The following PER3 variants were observed in gnomAD, a reference collection of about 807,000 sequenced individuals.
PER3 encodes the protein period circadian regulator 3.
A neutral mutation model predicts 127.2 loss-of-function variants in PER3; 107 were observed. That is an observed-to-expected ratio of 0.84 (90% CI 0.72 to 0.99). PER3 has a LOEUF of 0.99. PER3 is among the 50% of genes least tolerant of loss of function. The pLI is 0.00. For synonymous variants in PER3, 618 were observed against 585.8 expected (o/e 1.05, Z -0.79); for missense variants, 1,560 against 1,525.8 (o/e 1.02, Z -0.37).
In PER3 at chr1:7,820,215, G is replaced by C. The variant is rs931729056; in HGVS notation, c.1759G>C (p.Ala587Pro). ...SSEEDKQNHKADDVQALQAGL... is the reference protein window; with the variant it reads ...SSEEDKQNHKPDDVQALQAGL... ...AGAAGAAGACAAACAGAACCACAAG[G>C]CAGATGATGTCCAAGCCTTACAAGG... The change falls in exon 15 of 22, where the codon GCA (alanine) becomes CCA (proline). Residue 587 changes from alanine to proline, a missense_variant. Physicochemically the swap from Ala to Pro is conservative, Grantham distance 27. Coordinates refer to ENST00000377532, the MANE Select transcript of PER3 (RefSeq NM_001377275.1). 6.2e-6 allele frequency: 10 copies of C among 1,613,742 alleles called. No individual in the cohort carries two copies. Among genetic ancestry groups the C allele is most frequent in the Non-Finnish European group, 7.6e-6 (9 of 1,179,896 alleles).
chr1:7,815,770 G>C (rs533086855), intron 13 of PER3, among the ~76,000 whole-genome samples: 26 of 151,618 alleles, frequency 1.7e-4, no homozygotes, highest in Admixed American at 6.6e-4. Flanking sequence ...CAGATCACAA[G>C]ATAAGGAGAT....
intron 5 of PER3, 97 bp downstream of exon 5, chr1:7,788,343 G>A: frequency 1.2e-6 from 1 of 844,538 alleles, no homozygotes. Context: ...TTTAGAACAT[G>A]CACACTATCT....
intron 19 of PER3, among the ~76,000 whole-genome samples, chr1:7,833,373 A>G (rs1364690364): frequency 1.3e-5 from 2 of 152,220 alleles, no homozygotes; most frequent in South Asian, 2.1e-4. Flanking sequence ...ATGTCCAGCT[A>G]TAAATGTGAA....
Position 7,785,493 on chromosome 1 carries a change from G to T in PER3, c.181G>T (p.Glu61Ter), listed in dbSNP as rs535298229. ...VSEELIMVVQEMKKYFPSERR... is the reference protein window; with the variant it reads ...VSEELIMVVQ Reference sequence around the variant, plus strand: ...TGAAGAACTTATCATGGTTGTCCAAGAAATGAAAAAATACTTCCCCTCGGA... The same window carrying T: ...TGAAGAACTTATCATGGTTGTCCAATAAATGAAAAAATACTTCCCCTCGGA... The change falls in exon 3 of 22, where the codon GAA becomes TAA. Residue 61 changes from glutamate (E) to a stop codon, truncating the protein, a stop_gained. Coordinates refer to ENST00000377532, the MANE Select transcript of PER3 (RefSeq NM_001377275.1). LOFTEE classifies it high-confidence loss of function. 6.2e-7 allele frequency: 1 copy of T among 1,612,254 alleles called. No homozygotes were observed. The highest frequency in any genetic ancestry group is 8.5e-7 in the Non-Finnish European group (1 of 1,178,334).
Position 7,819,369 on chromosome 1 carries a change from A to AT in PER3, c.1608dup (p.Glu537Ter). ...GAGCCCTGTGAGGATTTGAGGAACG[A>AT]TGAGCACAGCCCATCCTATCAACAG... On this transcript the variant is annotated frameshift_variant, in exon 14 of 22. Transcript: ENST00000377532. LOFTEE classifies it high-confidence loss of function. The AT allele has an allele frequency of 6.2e-7, 1 of 1,614,128 alleles. No homozygotes were observed. Among genetic ancestry groups the AT allele is most frequent in the Non-Finnish European group, 8.5e-7 (1 of 1,179,954 alleles).
chr1:7,797,601 A>G (rs1166775679), intron 6 of PER3, among the ~76,000 whole-genome samples: 1 of 150,686 alleles, frequency 6.6e-6, no homozygotes, highest in East Asian at 2.0e-4. Context: ...GTGCCATCGC[A>G]CTCCAGCCTG....
At chr1:7,797,377 G>A (rs2097150215) in intron 6 of PER3, among the ~76,000 whole-genome samples, 1 of 152,352 alleles carries the variant, frequency 6.6e-6, no homozygotes, top group South Asian at 2.1e-4. Context: ...GCTCACGCCT[G>A]TAATCCCAGT....
At chr1:7,810,974 CAG>C (rs1338031328) in intron 13 of PER3, among the ~76,000 whole-genome samples, 2 of 152,104 alleles carry the variant, frequency 1.3e-5, no homozygotes, top group Admixed American at 6.5e-5. Flanking sequence ...TCATTTCAAA[CAG>C]AAAATCTTTG....
chr1:7,792,519 A>G (rs920145122), intron 5 of PER3, among the ~76,000 whole-genome samples: 5 of 152,228 alleles, frequency 3.3e-5, no homozygotes, highest in Non-Finnish European at 7.3e-5. Context: ...AAGGCACGAT[A>G]TAATTCTAGT....
rs1558408874 is a variant in PER3, at chr1:7,802,632, AC to A, written c.873-414del. ...ATTAGCAACCTGCATTATTCATTTA[AC>A]ATCATCAGCATCTTTCTACGTTACG... On this transcript the variant is annotated intron_variant, in intron 8 of 21. Coordinates refer to ENST00000377532, the MANE Select transcript of PER3 (RefSeq NM_001377275.1). 3.9e-5 allele frequency among the ~76,000 whole-genome samples: 6 copies of A among 152,170 alleles called. No individual in the cohort carries two copies. The East Asian group carries it at 1.2e-3, about 29-fold the overall frequency.
At position 7,844,217 on chromosome 1, in the gene PER3, T is replaced by C. The variant is rs997396306; in HGVS notation, c.*1462T>C. On this transcript the variant is annotated 3_prime_UTR_variant, in exon 22 of 22. Coordinates refer to ENST00000377532, the MANE Select transcript of PER3 (RefSeq NM_001377275.1). ...TTCAAAGTAGTGGCTTTCTGGATGG[T>C]AATTCCATCTTAAGGTGTCAGAACT... The C allele has an allele frequency of 1.6e-5, 3 of 185,934 alleles. No individual in the cohort carries two copies. The highest frequency in any genetic ancestry group is 3.4e-5 in the Non-Finnish European group (3 of 88,990). 11.5% of individuals were successfully genotyped at this position (185,934 alleles called of 1,614,324 possible).
intron 16 of PER3, among the ~76,000 whole-genome samples, chr1:7,821,517 T>C (rs1402150820): frequency 6.6e-6 from 1 of 152,222 alleles, no homozygotes; most frequent in Non-Finnish European, 1.5e-5. Flanking sequence ...CATATGCACA[T>C]TTTTTAGTGT....
At chr1:7,802,026 A>T (rs1170549659) in intron 8 of PER3, among the ~76,000 whole-genome samples, 1 of 152,242 alleles carries the variant, frequency 6.6e-6, no homozygotes, top group Non-Finnish European at 1.5e-5. Context: ...TGTGTGAGAT[A>T]CTTAACCTGT....
intron 13 of PER3, 106 bp downstream of exon 13, chr1:7,810,694 G>A: frequency 1.9e-6 from 2 of 1,075,936 alleles, no homozygotes; most frequent in East Asian, 2.6e-5. Flanking sequence ...CTGTGTTGCT[G>A]CTTTTCATAT....
chr1:7,837,446 G>A (rs1349940061), intron 21 of PER3, among the ~76,000 whole-genome samples: 1 of 152,156 alleles, frequency 6.6e-6, no homozygotes, highest in Non-Finnish European at 1.5e-5. Context: ...AAAAACACCT[G>A]CTTTGATGTG....
At chr1:7,806,055 A>C (rs2097191084) in intron 10 of PER3, among the ~76,000 whole-genome samples, 1 of 152,218 alleles carries the variant, frequency 6.6e-6, no homozygotes, top group Non-Finnish European at 1.5e-5. Flanking sequence ...TTGAGAATGT[A>C]ATGGTAATCA....
chr1:7,795,836 G>C (rs2150575880), intron 6 of PER3, among the ~76,000 whole-genome samples: 1 of 152,336 alleles, frequency 6.6e-6, no homozygotes, highest in African/African-American at 2.4e-5. Context: ...TCATCACCCA[G>C]CTTTTTAAGA....
chr1:7,838,926 C>T (rs917645918), intron 21 of PER3, among the ~76,000 whole-genome samples: 1 of 152,106 alleles, frequency 6.6e-6, no homozygotes, highest in Non-Finnish European at 1.5e-5. Flanking sequence ...GAGAATTTAG[C>T]CCATTTACAT....
In PER3 at chr1:7,837,268, A is replaced by G. The variant is rs371635319; in HGVS notation, c.3549+119A>G. The G allele has an allele frequency of 4.0e-5, 29 of 717,848 alleles. No individual in the cohort carries two copies. The East Asian group carries it at 4.7e-4, about 12-fold the overall frequency. The allele number at this position is 717,848 out of a possible 1,614,324, so 44.5% of individuals were successfully genotyped here. On this transcript the variant is annotated intron_variant, in intron 21 of 21. Transcript: ENST00000377532. Reference sequence around the variant, plus strand: ...ACTTTAATCCTCACAGTTTACCTCTATGGTAGGTGTTATTATTCCCTCTTT... The same window carrying G: ...ACTTTAATCCTCACAGTTTACCTCTGTGGTAGGTGTTATTATTCCCTCTTT...
Sources: gnomAD v4.1 joint callset for allele counts (sites outside exome capture counted in the v4.1 genomes callset) on GRCh38, gnomAD v4.1.1 for gene constraint, MANE v1.5 for transcripts, NCBI Gene and HGNC (gene_info 2026-07-23, HGNC 2026-07-21) for gene names.